SF3B1: variants seen among roughly 807,000 people sequenced by gnomAD.
SF3B1 encodes splicing factor 3b subunit 1.
A neutral mutation model predicts 153.8 loss-of-function variants in SF3B1; 12 were observed. The observed-to-expected ratio is 0.08, with a 90% CI of 0.05 to 0.13. The LOEUF is 0.13. SF3B1 is among the 10% of genes least tolerant of loss of function. The probability of loss-of-function intolerance (pLI) is 1.00; values close to 1 mark genes in which losing one functional copy is unlikely to be tolerated. For synonymous variants in SF3B1, 498 were observed against 525.2 expected (o/e 0.95, Z 0.71); for missense variants, 513 against 1,606.1 (o/e 0.32, Z 11.63).
In SF3B1 at chr2:197,421,378, T is replaced by A. The variant is rs552906562; in HGVS notation, c.196-245A>T. 3.3e-5 allele frequency among the ~76,000 whole-genome samples: 5 copies of A among 152,320 alleles called. No homozygotes were observed. The South Asian group carries it at 1.0e-3, about 32-fold the overall frequency. The stretch of plus-strand genomic sequence containing the variant: ...AGGAATATTTTCTATAGACGTCAAT[T>A]AAGATAAAGTAGGTATGGACTAGAA... On this transcript the variant is annotated intron_variant, in intron 2 of 24. Transcript: ENST00000335508.
At position 197,396,256 on chromosome 2, in the gene SF3B1, A is replaced by C. The variant is rs2084873024; in HGVS notation, c.3339T>G (p.Thr1113=). Residue 1113 remains threonine, a synonymous_variant, in exon 23 of 25, where the codon ACT becomes ACG. Coordinates refer to ENST00000335508, the MANE Select transcript of SF3B1 (RefSeq NM_012433.4). ...VQERQNRVCT[T]VAIAIVAETC... ...TTTCTGCAACAATAGCTATTGCTAC[A>C]GTGGTACAAACTCTGTTCTGCCTTT... The C allele has an allele frequency of 1.9e-6, 3 of 1,613,722 alleles. No individual in the cohort carries two copies. The highest frequency in any genetic ancestry group is 1.7e-5 in the Admixed American group (1 of 60,002).
At chr2:197,429,570 G>C (rs781516310) in intron 1 of SF3B1, among the ~76,000 whole-genome samples, 3 of 152,148 alleles carry the variant, frequency 2.0e-5, no homozygotes, top group Non-Finnish European at 4.4e-5. Flanking sequence ...GATCACCTGA[G>C]GTCAGGAGTT....
intron 1 of SF3B1, among the ~76,000 whole-genome samples, chr2:197,425,791 GGA>G (rs1197036551): frequency 6.6e-6 from 1 of 151,986 alleles, no homozygotes; most frequent in East Asian, 1.9e-4. Context: ...CTTGAGCCCA[GGA>G]GTTCAAAACC....
chr2:197,403,066 T>G (rs201111968), intron 12 of SF3B1, 31 bp from the exon 13 acceptor site: 160 of 1,443,970 alleles, frequency 1.1e-4, no homozygotes, highest in Middle Eastern at 1.9e-4. Context: ...GAAGCTACAC[T>G]TTCACATCAA....
Position 197,401,878 on chromosome 2 carries a change from G to C in SF3B1, c.2234C>G (p.Ala745Gly), listed in dbSNP as rs2105984624. Residue 745 changes from alanine to glycine, a missense_variant, in exon 16 of 25, where the codon GCT (alanine) becomes GGT (glycine). Physicochemically the swap from Ala to Gly is moderately conservative, Grantham distance 60. This residue lies in a region of SF3B1 where 50 missense variants were observed against 236.5 expected (regional missense o/e 0.21). Coordinates refer to ENST00000335508, the MANE Select transcript of SF3B1 (RefSeq NM_012433.4). The surrounding 1 kb of genome is among the most constrained non-coding windows in gnomAD (Gnocchi z 4.2). ...IRQHRGKGLA[A>G]FLKAIGYLIP... Reference sequence around the variant, plus strand: ...AAGATACCCAATAGCCTTCAAGAAAGCAGCCAAACCCTATTTTTAAATAAA... The same window carrying C: ...AAGATACCCAATAGCCTTCAAGAAACCAGCCAAACCCTATTTTTAAATAAA... 6.3e-7 allele frequency: 1 copy of C among 1,597,464 alleles called. No individual in the cohort carries two copies. Among genetic ancestry groups the C allele is most frequent in the African/African-American group, 1.4e-5 (1 of 73,910 alleles).
At position 197,402,933 on chromosome 2, in the gene SF3B1, A is replaced by G. The variant is rs763174563; in HGVS notation, c.1806+16T>C. ...ACAGATATAAATTTTCTTCTCTAGA[A>G]ATTAAATGTAAATACCTTTGCCAAA... On this transcript the variant is annotated intron_variant, in intron 13 of 24. Transcript: ENST00000335508. This position sits in a 1 kb window ranked among gnomAD's most constrained non-coding sequence, Gnocchi z 4.6. The G allele has an allele frequency of 1.9e-6, 3 of 1,610,080 alleles. No individual in the cohort carries two copies. Among genetic ancestry groups the G allele is most frequent in the East Asian group, 4.5e-5 (2 of 44,868 alleles).
At position 197,395,911 on chromosome 2, in the gene SF3B1, A is replaced by C. The variant is rs2084870331; in HGVS notation, c.3539+145T>G. The C allele has an allele frequency of 4.8e-6, 3 of 630,868 alleles. No individual in the cohort carries two copies. The South Asian group carries it at 6.5e-5, about 14-fold the overall frequency. The allele number at this position is 630,868 out of a possible 1,614,324, so 39.1% of individuals were successfully genotyped here. ...GCACATTATTTTAAAATAATAAGTC[A>C]TATTTACAATGTCCTAAGACTCCAG... On this transcript the variant is annotated intron_variant, in intron 23 of 24. Transcript: ENST00000335508.
chr2:197,427,717 A>G (rs1370086067), intron 1 of SF3B1, among the ~76,000 whole-genome samples: 1 of 152,220 alleles, frequency 6.6e-6, no homozygotes, highest in Non-Finnish European at 1.5e-5. Flanking sequence ...GCATGTTAAA[A>G]TATTTCATAA....
chr2:197,431,358 G>A (rs1008744493), intron 1 of SF3B1, among the ~76,000 whole-genome samples: 1 of 152,036 alleles, frequency 6.6e-6, no homozygotes, highest in East Asian at 1.9e-4. Context: ...AACCTTGGGT[G>A]ATCTGCCCAC....
intron 7 of SF3B1, among the ~76,000 whole-genome samples, chr2:197,409,010 G>T (rs976235000): frequency 2.6e-5 from 4 of 152,282 alleles, no homozygotes; most frequent in Non-Finnish European, 2.9e-5. Context: ...AGTGGTTCAT[G>T]CCTGTAATTC....
chr2:197,408,711 A>G, intron 7 of SF3B1, 130 bp from the exon 8 acceptor site: 1 of 696,484 alleles, frequency 1.4e-6, no homozygotes, highest in Non-Finnish European at 2.4e-6. Context: ...TGACCCATTT[A>G]AAGTTGTTTG....
intron 11 of SF3B1, among the ~76,000 whole-genome samples, chr2:197,404,136 G>C (rs2084963536): frequency 6.6e-6 from 1 of 152,156 alleles, no homozygotes; most frequent in South Asian, 2.1e-4. Context: ...ACAAAAAGGA[G>C]AATCTCATTT....
At chr2:197,403,462 T>G in intron 12 of SF3B1, 123 bp downstream of exon 12, 1 of 566,720 alleles carries the variant, frequency 1.8e-6, no homozygotes, top group Non-Finnish European at 2.9e-6. Context: ...AAAACTGTAT[T>G]TGTACATGTA....
rs2105986278 is a variant in SF3B1, at chr2:197,402,503, G to C, written c.2077+53C>G. The C allele has an allele frequency of 6.6e-7, 1 of 1,515,324 alleles. No homozygotes were observed. The highest frequency in any genetic ancestry group is 9.0e-7 in the Non-Finnish European group (1 of 1,111,354). The allele number at this position is 1,515,324 out of a possible 1,614,324, so 93.9% of individuals were successfully genotyped here. A position where few individuals can be genotyped will look rare whatever the true frequency, so the allele number is the denominator to read the frequency against. On this transcript the variant is annotated intron_variant, in intron 14 of 24. Transcript: ENST00000335508. The surrounding 1 kb of genome is among the most constrained non-coding windows in gnomAD (Gnocchi z 4.6). ...GAGTCCAGTCTGGGCAACATAGTAA[G>C]ACCCTGTCTCCTAAAGAAAAAAAAA...
Position 197,416,681 on chromosome 2 carries a change from T to TA in SF3B1, c.666+59dup, listed in dbSNP as rs1158939902. 32 of 1,468,096 alleles carry TA rather than the reference T, an allele frequency of 2.2e-5. 1 individual carries two copies. The South Asian group carries it at 3.4e-4, about 16-fold the overall frequency. The allele number at this position is 1,468,096 out of a possible 1,614,324, so 90.9% of individuals were successfully genotyped here. A position where few individuals can be genotyped will look rare whatever the true frequency, so the allele number is the denominator to read the frequency against. ...TGCTATGGCAACCCAAGCAGACTAA[T>TA]ACAGTCCATAACAGAAAAAAATTTT... On this transcript the variant is annotated intron_variant, in intron 6 of 24. Transcript: ENST00000335508.
At position 197,398,655 on chromosome 2, in the gene SF3B1, G is replaced by A. The variant is rs192890152; in HGVS notation, c.3014-74C>T. On this transcript the variant is annotated intron_variant, in intron 20 of 24. Transcript: ENST00000335508. ...GTTCACTTTCCTTTTACTTAGCAAT[G>A]TCATATATGACTATGTATAAATATA... 3 of 1,338,680 alleles carry A rather than the reference G, an allele frequency of 2.2e-6. No individual in the cohort carries two copies. The East Asian group carries it at 6.9e-5, about 31-fold the overall frequency. 82.9% of individuals were successfully genotyped at this position (1,338,680 alleles called of 1,614,324 possible).
intron 6 of SF3B1, 58 bp downstream of exon 6, chr2:197,416,683 C>A (rs549314310): frequency 6.8e-7 from 1 of 1,472,262 alleles, no homozygotes; most frequent in Non-Finnish European, 9.3e-7. Flanking sequence ...CAGACTAATA[C>A]AGTCCATAAC....
At chr2:197,415,428 G>A (rs1043386914) in intron 6 of SF3B1, among the ~76,000 whole-genome samples, 1 of 150,938 alleles carries the variant, frequency 6.6e-6, no homozygotes, top group Non-Finnish European at 1.5e-5. Flanking sequence ...AATTTTTTTT[G>A]TATTTTTAGT....
At chr2:197,397,936 G>C (rs753011025) in intron 22 of SF3B1, 49 bp downstream of exon 22, 1 of 1,395,592 alleles carries the variant, frequency 7.2e-7, no homozygotes, top group South Asian at 1.3e-5. Context: ...ATACCACAAT[G>C]CATTTATTAT....
Sources: gnomAD v4.1 joint callset for allele counts (sites outside exome capture counted in the v4.1 genomes callset) on GRCh38, gnomAD v4.1.1 for gene constraint, gnomAD v4.1.1 regional missense constraint, Gnocchi (gnomAD v3.1) non-coding constraint, MANE v1.5 for transcripts, NCBI Gene and HGNC (gene_info 2026-07-23, HGNC 2026-07-21) for gene names.